PIK3AP1: variants seen among roughly 807,000 people sequenced by gnomAD.
PIK3AP1 encodes phosphoinositide-3-kinase adaptor protein 1, also known as phosphoinositide 3-kinase adapter protein 1.
Under a neutral mutation model 88.1 loss-of-function variants are expected in PIK3AP1, and 21 were observed. That is an observed-to-expected ratio of 0.24 (90% CI 0.17 to 0.34). PIK3AP1 has a LOEUF of 0.34. PIK3AP1 is among the 10% of genes least tolerant of loss of function. The pLI is 1.00. For missense variants in PIK3AP1, 828 were observed against 1,035.7 expected (o/e 0.80, Z 2.75); for synonymous variants, 398 against 400.0 (o/e 1.00, Z 0.06).
At chr10:96,682,386 T>C (rs957389965) in intron 2 of PIK3AP1, among the ~76,000 whole-genome samples, 1 of 152,138 alleles carries the variant, frequency 6.6e-6, no homozygotes, top group Non-Finnish European at 1.5e-5. Context: ...CATCTGTTGT[T>C]TGAAGCTCCT....
chr10:96,693,061 C>G (rs910376218), intron 2 of PIK3AP1, among the ~76,000 whole-genome samples: 4 of 152,216 alleles, frequency 2.6e-5, no homozygotes, highest in Non-Finnish European at 5.9e-5. Flanking sequence ...GGCCCTGCCC[C>G]TCTGTTCTTC....
chr10:96,602,250 G>T (rs765695191), intron 16 of PIK3AP1, 30 bp downstream of exon 16: 4 of 1,533,544 alleles, frequency 2.6e-6, no homozygotes, highest in South Asian at 1.1e-5. Context: ...CAGAGATAAG[G>T]GAAAAATTTC....
At chr10:96,718,148 G>C (rs1206516031) in intron 1 of PIK3AP1, among the ~76,000 whole-genome samples, 1 of 152,134 alleles carries the variant, frequency 6.6e-6, no homozygotes, top group Non-Finnish European at 1.5e-5. Context: ...GGAGAGGAGA[G>C]GAGAATAAAA....
intron 8 of PIK3AP1, chr10:96,632,900 G>T: frequency 1.9e-6 from 3 of 1,612,454 alleles, no homozygotes; most frequent in Non-Finnish European, 2.5e-6. Context: ...GATGACCCTG[G>T]GACATGCTTG....
intron 8 of PIK3AP1, among the ~76,000 whole-genome samples, chr10:96,628,881 T>C (rs1449155991): frequency 2.3e-5 from 2 of 88,748 alleles, no homozygotes; most frequent in East Asian, 3.2e-4. Flanking sequence ...TACACATATA[T>C]ATATATACAT....
intron 16 of PIK3AP1, among the ~76,000 whole-genome samples, chr10:96,601,421 C>A (rs1388433879): frequency 1.5e-5 from 2 of 132,374 alleles, no homozygotes; most frequent in Non-Finnish European, 3.1e-5. Flanking sequence ...TTGCAGTGAG[C>A]CGAGATCACA....
At chr10:96,605,913 G>A (rs982642204) in intron 14 of PIK3AP1, among the ~76,000 whole-genome samples, 3 of 152,070 alleles carry the variant, frequency 2.0e-5, no homozygotes, top group Non-Finnish European at 4.4e-5. Context: ...GTGAAACCCC[G>A]TATCTACTAA....
At chr10:96,675,164 A>T (rs995672004) in intron 2 of PIK3AP1, among the ~76,000 whole-genome samples, 1 of 134,588 alleles carries the variant, frequency 7.4e-6, no homozygotes, top group African/African-American at 2.7e-5. Context: ...AAGCGCTAGG[A>T]TTACAGGTGT....
At chr10:96,625,156 G>C (rs965132683) in intron 10 of PIK3AP1, among the ~76,000 whole-genome samples, 2 of 152,194 alleles carry the variant, frequency 1.3e-5, no homozygotes, top group Non-Finnish European at 2.9e-5. Flanking sequence ...TCCCACCGGA[G>C]GATGCAAGTA....
At chr10:96,641,773 A>T (rs975230199) in intron 8 of PIK3AP1, among the ~76,000 whole-genome samples, 1 of 152,204 alleles carries the variant, frequency 6.6e-6, no homozygotes, top group Admixed American at 6.5e-5. Context: ...AATGGAGATC[A>T]TCCTATTCAC....
At chr10:96,678,227 A>G (rs1386491103) in intron 2 of PIK3AP1, among the ~76,000 whole-genome samples, 1 of 152,138 alleles carries the variant, frequency 6.6e-6, no homozygotes, top group African/African-American at 2.4e-5. Context: ...TGAGGTCAGG[A>G]GTTCGAGACC....
At chr10:96,670,035 C>T (rs562212062) in intron 2 of PIK3AP1, among the ~76,000 whole-genome samples, 61 of 151,032 alleles carry the variant, frequency 4.0e-4, no homozygotes, top group African/African-American at 1.3e-3. Flanking sequence ...ATTAGCCGGG[C>T]GTGGTGGCAC....
At chr10:96,607,801 C>T (rs1293039785) in intron 14 of PIK3AP1, among the ~76,000 whole-genome samples, 1 of 152,198 alleles carries the variant, frequency 6.6e-6, no homozygotes, top group African/African-American at 2.4e-5. Flanking sequence ...TCATGAATGA[C>T]CCCAGCCGAT....
chr10:96,678,383 C>T (rs1843954508), intron 2 of PIK3AP1, among the ~76,000 whole-genome samples: 2 of 151,920 alleles, frequency 1.3e-5, no homozygotes, highest in Admixed American at 6.6e-5. Flanking sequence ...TGCAATGAGT[C>T]GAGATCACAC....
chr10:96,671,471 C>T (rs1373101457), intron 2 of PIK3AP1, among the ~76,000 whole-genome samples: 1 of 152,124 alleles, frequency 6.6e-6, no homozygotes, highest in Non-Finnish European at 1.5e-5. Flanking sequence ...GACAGGTATA[C>T]CCAACCCACA....
At chr10:96,624,525 A>C (rs539002585) in intron 10 of PIK3AP1, among the ~76,000 whole-genome samples, 1 of 152,262 alleles carries the variant, frequency 6.6e-6, no homozygotes, top group African/African-American at 2.4e-5. Flanking sequence ...TGAGGAAACT[A>C]AAGCTAAAAA....
intron 1 of PIK3AP1, among the ~76,000 whole-genome samples, chr10:96,716,154 C>T (rs997028355): frequency 2.2e-4 from 33 of 151,978 alleles, no homozygotes; most frequent in African/African-American, 7.7e-4. Context: ...TGGTGGCATG[C>T]GCCTGTAGTC....
chr10:96,648,902 A>G, intron 6 of PIK3AP1, 47 bp from the exon 7 acceptor site: 1 of 1,470,172 alleles, frequency 6.8e-7, no homozygotes, highest in Non-Finnish European at 9.1e-7. Context: ...AAATAAAGGC[A>G]CAGGGTGCCC....
rs780846473 is a variant in PIK3AP1, at chr10:96,609,839, G to A, written c.2043C>T (p.His681=). The change falls in exon 14 of 17, where the codon CAC becomes CAT. Residue 681 remains histidine (H), a synonymous_variant. Transcript: ENST00000339364. ...TDLEITVPIR[H]SQHLPAKVEF... is the part of the protein sequence containing the mutation. ...CCACTTTTGCAGGCAGGTGCTGTGA[G>A]TGCCGAATTGGGACCGTGATCTCCA... The A allele has an allele frequency of 2.5e-6, 4 of 1,614,092 alleles. No homozygotes were observed. The South Asian group carries it at 3.3e-5, about 13-fold the overall frequency.
Sources: allele counts gnomAD v4.1 joint callset (sites outside exome capture counted in the v4.1 genomes callset), GRCh38; gene constraint gnomAD v4.1.1; transcripts MANE v1.5; gene names NCBI Gene and HGNC (gene_info 2026-07-23, HGNC 2026-07-21).